Variants in TNKS2 observed in about 807,000 individuals in gnomAD.
The protein encoded by TNKS2 is tankyrase 2.
In TNKS2, 72 loss-of-function variants were observed where a neutral mutation model predicts 137.6. The observed-to-expected ratio is 0.52, with a 90% CI of 0.43 to 0.64. TNKS2 has a LOEUF of 0.64. TNKS2 is among the 30% of genes least tolerant of loss of function. The pLI is 0.00. For missense variants in TNKS2, 1,049 were observed against 1,410.2 expected (o/e 0.74, Z 4.10); for synonymous variants, 516 against 512.1 (o/e 1.01, Z -0.10).
chr10:91,850,375 A>G (rs1456903910), intron 20 of TNKS2, among the ~76,000 whole-genome samples: 2 of 151,186 alleles, frequency 1.3e-5, no homozygotes, highest in Non-Finnish European at 2.9e-5. Flanking sequence ...CTCAAAAAAA[A>G]AAAAAAAAAG....
chr10:91,847,261 G>C (rs1339595437), intron 18 of TNKS2, among the ~76,000 whole-genome samples: 1 of 152,180 alleles, frequency 6.6e-6, no homozygotes, highest in Non-Finnish European at 1.5e-5. Flanking sequence ...CTGAACATTA[G>C]TTGAACGTTG....
chr10:91,819,359 T>TA, intron 4 of TNKS2, 53 bp downstream of exon 4: 1 of 1,387,012 alleles, frequency 7.2e-7, no homozygotes, highest in Non-Finnish European at 9.6e-7. Flanking sequence ...ATTAACTTTT[T>TA]CTTTTTTTTT....
intron 2 of TNKS2, among the ~76,000 whole-genome samples, chr10:91,816,565 T>C (rs1197415672): frequency 6.6e-6 from 1 of 151,594 alleles, no homozygotes; most frequent in African/African-American, 2.4e-5. Context: ...TCCTGTTAAT[T>C]ATTCAGCTTT....
intron 2 of TNKS2, among the ~76,000 whole-genome samples, chr10:91,814,640 T>C (rs1844618405): frequency 6.6e-6 from 1 of 152,180 alleles, no homozygotes; most frequent in Non-Finnish European, 1.5e-5. Context: ...TTTTATACTA[T>C]ATTTAGACAT....
intron 1 of TNKS2, chr10:91,807,514 T>A: frequency 1.4e-6 from 2 of 1,383,186 alleles, no homozygotes; most frequent in Non-Finnish European, 2.1e-6. Context: ...CGTCCGGGAG[T>A]CGCCAACCGA....
chr10:91,816,979 A>G lies in TNKS2; in HGVS notation c.425-155A>G, dbSNP rs184427500. Among the ~76,000 whole-genome samples the G allele has an allele frequency of 2.0e-3, 305 of 152,346 alleles. 1 individual carries two copies. Among genetic ancestry groups the G allele is most frequent in the Non-Finnish European group, 3.6e-3 (248 of 68,028 alleles). ...ATAGAATACTTTATGTATTATTTTT[A>G]TATTTAAAATGTAACATTCCCATTC... On this transcript the variant is annotated intron_variant, in intron 2 of 26. Transcript: ENST00000371627.
Position 91,836,920 on chromosome 10 carries a change from G to A in TNKS2, c.1449G>A (p.Glu483=). Residue 483 remains glutamate, a splice_region_variant and synonymous_variant, in exon 13 of 27, where the codon GAG becomes GAA. Transcript: ENST00000371627. The stretch of plus-strand genomic sequence containing the variant: ...CTTCTCTCTCTCTCTCTTTTTTAGA[G>A]GGTATCTCATTAGGTAATTCAGAGG... The part of the protein sequence containing the change: ...GNENVQQLLQ[E]GISLGNSEAD... 1 of 1,611,910 alleles carries A rather than the reference G, an allele frequency of 6.2e-7. No homozygotes were observed. The highest frequency in any genetic ancestry group is 8.5e-7 in the Non-Finnish European group (1 of 1,179,094).
chr10:91,826,879 A>G (rs1845086847), intron 7 of TNKS2, 138 bp from the exon 8 acceptor site: 2 of 763,148 alleles, frequency 2.6e-6, no homozygotes, highest in African/African-American at 1.8e-5. Flanking sequence ...ATGTATACTC[A>G]TTCTGAAATA....
chr10:91,812,450 A>C (rs776175919), intron 1 of TNKS2, among the ~76,000 whole-genome samples: 2 of 152,152 alleles, frequency 1.3e-5, no homozygotes, highest in East Asian at 3.8e-4. Flanking sequence ...GCCTGGGGTT[A>C]TCTCTCTGTG....
chr10:91,856,144 C>T (rs1842697726), intron 23 of TNKS2, among the ~76,000 whole-genome samples: 1 of 151,814 alleles, frequency 6.6e-6, no homozygotes, highest in South Asian at 2.1e-4. Flanking sequence ...TCATCTTTTC[C>T]AGAAAAATAT....
Position 91,819,311 on chromosome 10 carries a change from G to A in TNKS2, c.557+5G>A, listed in dbSNP as rs1378256907. On this transcript the variant is annotated splice_donor_5th_base_variant and intron_variant, in intron 4 of 26. Transcript: ENST00000371627. ...TGAACTCTTAGAAAGTGCCAGGTAC[G>A]TACTAATGTTATAAATATGTGACAG... 7 of 1,461,356 alleles carry A rather than the reference G, an allele frequency of 4.8e-6. No individual in the cohort carries two copies. Among genetic ancestry groups the A allele is most frequent in the East Asian group, 2.5e-5 (1 of 40,178 alleles). The allele number at this position is 1,461,356 out of a possible 1,614,324, so 90.5% of individuals were successfully genotyped here.
Position 91,822,330 on chromosome 10 carries a change from G to T in TNKS2, c.763G>T (p.Gly255Cys). 6.2e-7 allele frequency: 1 copy of T among 1,613,198 alleles called. No homozygotes were observed. The highest frequency in any genetic ancestry group is 8.5e-7 in the Non-Finnish European group (1 of 1,179,628). ...ACCATTACACAATGCCTGTTCTTAT[G>T]GTCATTATGAAGTAACTGAACTTTT... is the stretch of plus-strand genomic sequence containing the variant. Reference protein sequence around the residue: ...LVPLHNACSYGHYEVTELLVK... With the variant: ...LVPLHNACSYCHYEVTELLVK... The change falls in exon 7 of 27, where the codon GGT becomes TGT. Residue 255 changes from glycine to cysteine, a missense_variant. Physicochemically the swap from Gly to Cys is radical, Grantham distance 159. Transcript: ENST00000371627.
Position 91,812,179 on chromosome 10 carries a change from T to A in TNKS2, c.200-804T>A, listed in dbSNP as rs11186692. On this transcript the variant is annotated intron_variant, in intron 1 of 26. Transcript: ENST00000371627. ...CTTTAACATATGCCTGAAAGCCTTA[T>A]CATTTCAAAGCTAGGTGTAAAAAGG... Among the ~76,000 whole-genome samples, 236 of 152,322 alleles carry A rather than the reference T, an allele frequency of 1.5e-3. 1 individual carries two copies. The highest frequency in any genetic ancestry group is 2.6e-3 in the Non-Finnish European group (179 of 68,024).
intron 1 of TNKS2, among the ~76,000 whole-genome samples, chr10:91,802,682 T>A (rs189113770): frequency 6.6e-6 from 1 of 152,262 alleles, no homozygotes. Context: ...ATGATAACCA[T>A]TGGAGACCTC....
intron 12 of TNKS2, among the ~76,000 whole-genome samples, chr10:91,834,523 A>G (rs1365311860): frequency 6.6e-6 from 1 of 152,224 alleles, no homozygotes; most frequent in Non-Finnish European, 1.5e-5. Context: ...ATTTTAAAGT[A>G]TTTTTGTCTA....
chr10:91,862,566 C>A (rs2259094), intron 26 of TNKS2, among the ~76,000 whole-genome samples: 28,863 of 152,000 alleles, frequency 0.19, 2,844 homozygotes, highest in Middle Eastern at 0.28. Context: ...TAATTGAAAT[C>A]TTGTATTTAA....
intron 18 of TNKS2, 25 bp from the exon 19 acceptor site, chr10:91,848,358 A>G: frequency 6.2e-7 from 1 of 1,600,798 alleles, no homozygotes; most frequent in Non-Finnish European, 8.5e-7. Context: ...CTTATGGCAG[A>G]TGTTGTCTCT....
At chr10:91,841,135 T>C in intron 14 of TNKS2, 148 bp from the exon 15 acceptor site, 3 of 690,970 alleles carry the variant, frequency 4.3e-6, no homozygotes, top group Non-Finnish European at 6.4e-6. Context: ...AAAGAACTTA[T>C]TTCTGCCTTA....
chr10:91,807,857 G>C (rs141698652), intron 1 of TNKS2, among the ~76,000 whole-genome samples: 5 of 151,984 alleles, frequency 3.3e-5, no homozygotes, highest in African/African-American at 1.2e-4. Context: ...TTAGCCAGGC[G>C]TGGTGGCGGG....
Sources: gnomAD v4.1 joint callset for allele counts (sites outside exome capture counted in the v4.1 genomes callset) on GRCh38, gnomAD v4.1.1 for gene constraint, MANE v1.5 for transcripts, NCBI Gene and HGNC (gene_info 2026-07-23, HGNC 2026-07-21) for gene names.